The following FERMT2 variants were observed in gnomAD, a reference collection of about 807,000 sequenced individuals.
FERMT2 encodes fermitin family homolog 2.
Under a neutral mutation model 82.7 loss-of-function variants are expected in FERMT2, and 15 were observed. That is an observed-to-expected ratio of 0.18 (90% CI 0.12 to 0.28). FERMT2 has a LOEUF of 0.28. Among genes scored for constraint, FERMT2 ranks in the 10% least tolerant of loss-of-function variants. The probability of loss-of-function intolerance (pLI) is 1.00; values close to 1 mark genes in which losing one functional copy is unlikely to be tolerated. For missense variants in FERMT2, 645 were observed against 809.4 expected (o/e 0.80, Z 2.46); for synonymous variants, 274 against 271.5 (o/e 1.01, Z -0.09).
rs777154833 is a variant in FERMT2, at chr14:52,919,211, C to T, written c.303G>A (p.Leu101=). The change falls in exon 3 of 15, where the codon CTG becomes CTA. Residue 101 remains leucine (L), a synonymous_variant. Transcript: ENST00000341590. The part of the protein sequence containing the change: ...QFTPQHKLLR[L]QLPNMKYVKV... ...TCACATACTTCATGTTGGGAAGCTG[C>T]AGGCGGAGCAGTTTGTGCTGAGGGG... 1.2e-6 allele frequency: 2 copies of T among 1,614,084 alleles called. No individual in the cohort carries two copies. The highest frequency in any genetic ancestry group is 8.5e-7 in the Non-Finnish European group (1 of 1,179,996).
At chr14:52,880,811 T>C (rs1162358659) in intron 6 of FERMT2, among the ~76,000 whole-genome samples, 2 of 152,174 alleles carry the variant, frequency 1.3e-5, no homozygotes, top group African/African-American at 4.8e-5. Context: ...AAAGTTTCAT[T>C]ATCTTAATAA....
intron 3 of FERMT2, among the ~76,000 whole-genome samples, chr14:52,910,496 T>TA (rs934974531): frequency 0.011 from 1,630 of 146,352 alleles, 17 homozygotes; most frequent in African/African-American, 0.037. Context: ...TACGTTACAT[T>TA]AAAAAAAAAA....
intron 12 of FERMT2, chr14:52,861,080 A>G (rs1884900424): frequency 1.4e-6 from 2 of 1,479,324 alleles, no homozygotes; most frequent in Non-Finnish European, 1.8e-6. Context: ...AGAAAGAAAA[A>G]AAAAGGCAAT....
At chr14:52,923,261 C>A (rs1889065708) in intron 2 of FERMT2, among the ~76,000 whole-genome samples, 1 of 151,852 alleles carries the variant, frequency 6.6e-6, no homozygotes, top group Admixed American at 6.6e-5. Context: ...GTTCAAATTT[C>A]AATGCCCATA....
intron 9 of FERMT2, among the ~76,000 whole-genome samples, 184 bp downstream of exon 9, chr14:52,873,993 T>C (rs1367854428): frequency 1.3e-5 from 2 of 152,046 alleles, no homozygotes; most frequent in African/African-American, 2.4e-5. Flanking sequence ...AGAATGAGCA[T>C]TGTGATTTTA....
intron 2 of FERMT2, among the ~76,000 whole-genome samples, chr14:52,920,332 C>G (rs1274182549): frequency 6.6e-6 from 1 of 152,118 alleles, no homozygotes; most frequent in Non-Finnish European, 1.5e-5. Context: ...CAAAACAAAA[C>G]ACACACAAAA....
At position 52,904,347 on chromosome 14, in the gene FERMT2, C is replaced by G. The variant is rs1002222984; in HGVS notation, c.392-10920G>C. On this transcript the variant is annotated intron_variant, in intron 3 of 14. Transcript: ENST00000341590. ...GCCTGGCCAACGTGGTGAAACCACG[C>G]CTCCACTAAAAATTAAAAAATTAGC... Among the ~76,000 whole-genome samples the G allele has an allele frequency of 1.1e-4, 16 of 152,302 alleles. No homozygotes were observed. In the East Asian group the frequency reaches 2.5e-3, roughly 24 times the overall value.
chr14:52,933,358 A>C (rs1889677253), intron 2 of FERMT2, among the ~76,000 whole-genome samples: 1 of 152,014 alleles, frequency 6.6e-6, no homozygotes, highest in Non-Finnish European at 1.5e-5. Flanking sequence ...TTACAACACT[A>C]TCCAGAGTTG....
intron 4 of FERMT2, among the ~76,000 whole-genome samples, chr14:52,892,692 G>A (rs965126632): frequency 3.9e-5 from 6 of 151,904 alleles, no homozygotes; most frequent in African/African-American, 9.7e-5. Flanking sequence ...CTCTGACCTC[G>A]TGATCCACCT....
chr14:52,945,148 C>T (rs1890272438), intron 2 of FERMT2, among the ~76,000 whole-genome samples: 1 of 152,046 alleles, frequency 6.6e-6, no homozygotes, highest in Non-Finnish European at 1.5e-5. Flanking sequence ...CTCAAGCAAA[C>T]AACTTCTGAG....
intron 6 of FERMT2, among the ~76,000 whole-genome samples, chr14:52,879,276 A>T (rs933307597): frequency 6.6e-6 from 1 of 152,226 alleles, no homozygotes; most frequent in Non-Finnish European, 1.5e-5. Flanking sequence ...TATATAAATA[A>T]AAGTCAATAG....
chr14:52,903,374 CA>C (rs1887790349), intron 3 of FERMT2, among the ~76,000 whole-genome samples: 1 of 151,794 alleles, frequency 6.6e-6, no homozygotes, highest in Non-Finnish European at 1.5e-5. Context: ...CCCATCTCTA[CA>C]AAAAATTTAA....
At chr14:52,950,682 C>G in intron 1 of FERMT2, 105 bp from the exon 2 acceptor site, 2 of 1,189,908 alleles carry the variant, frequency 1.7e-6, no homozygotes, top group East Asian at 2.5e-5. Context: ...TGGTGGAGGA[C>G]CCGGGGCTTT....
intron 3 of FERMT2, among the ~76,000 whole-genome samples, chr14:52,897,665 G>C (rs146696765): frequency 0.01 from 1,574 of 152,036 alleles, 8 homozygotes; most frequent in Non-Finnish European, 0.014. Flanking sequence ...TTTTCTGTTG[G>C]TTATTTCAAC....
Position 52,864,549 on chromosome 14 carries a change from T to A in FERMT2, c.1454A>T (p.Tyr485Phe). Residue 485 changes from tyrosine (Y) to phenylalanine (F), a missense_variant, in exon 12 of 15, where the codon TAC (tyrosine) becomes TTC (phenylalanine). Transcript: ENST00000341590. ...AAGAATATTCTGAACTTCTAAGTTG[T>A]AAGAACTGTCCGCCATGGTCTTGCC... The part of the protein sequence containing the change: ...SKGKTMADSS[Y>F]NLEVQNILSF... 1 of 1,614,168 alleles carries A rather than the reference T, an allele frequency of 6.2e-7. No homozygotes were observed. The highest frequency in any genetic ancestry group is 2.2e-5 in the East Asian group (1 of 44,884).
At chr14:52,861,273 A>T in intron 12 of FERMT2, 1 of 489,374 alleles carries the variant, frequency 2.0e-6, no homozygotes. Context: ...ACTCCACATT[A>T]TTTTAGAATG....
At chr14:52,879,900 G>C (rs1886190239) in intron 6 of FERMT2, among the ~76,000 whole-genome samples, 1 of 152,162 alleles carries the variant, frequency 6.6e-6, no homozygotes, top group Non-Finnish European at 1.5e-5. Context: ...TGGTAGCAGA[G>C]ATAATACCAA....
At chr14:52,873,807 G>C (rs1239447205) in intron 9 of FERMT2, 1 of 168,224 alleles carries the variant, frequency 5.9e-6, no homozygotes, top group African/African-American at 2.4e-5. Context: ...GAGTTCAATA[G>C]AATCTTGCGC....
At chr14:52,880,040 G>A (rs1457576566) in intron 6 of FERMT2, among the ~76,000 whole-genome samples, 2 of 152,212 alleles carry the variant, frequency 1.3e-5, no homozygotes, top group East Asian at 1.9e-4. Flanking sequence ...GCAGGAGGAT[G>A]GCTTCAGCCC....
Sources: gnomAD v4.1 joint callset for allele counts (sites outside exome capture counted in the v4.1 genomes callset) on GRCh38, gnomAD v4.1.1 for gene constraint, MANE v1.5 for transcripts, NCBI Gene and HGNC (gene_info 2026-07-23, HGNC 2026-07-21) for gene names.